Variants in KCNIP4 observed in about 807,000 individuals in gnomAD.
KCNIP4 encodes Kv channel-interacting protein 4.
A neutral mutation model predicts 34.0 loss-of-function variants in KCNIP4; 12 were observed. The ratio of observed to expected loss-of-function variants is 0.35; its 90% CI spans 0.23 to 0.57. The LOEUF (loss-of-function observed/expected upper bound fraction) is 0.57, where lower values mean the gene tolerates loss of function less well. Among genes scored for constraint, KCNIP4 ranks in the 20% least tolerant of loss-of-function variants. KCNIP4 has a pLI of 0.83. For missense variants in KCNIP4, 238 were observed against 311.7 expected, an observed-to-expected ratio of 0.76 and a Z score of 1.78; for synonymous variants, 124 against 102.2, an observed-to-expected ratio of 1.21 and a Z score of -1.29.
Position 21,701,940 on chromosome 4 carries a change from A to G in KCNIP4, c.61+246631T>C, listed in dbSNP as rs935236020. Among the ~76,000 whole-genome samples the G allele has an allele frequency of 4.6e-5, 7 of 152,118 alleles. No homozygotes were observed. In the South Asian group the frequency reaches 1.0e-3, roughly 23 times the overall value. On this transcript the variant is annotated intron_variant, in intron 1 of 8. Transcript: ENST00000382152. ...GCTGGTCTCAAACTCCTGACCTCAGATGATCTGCTTGCGTTGGCCTCCCAA... is the reference window on the plus strand; with the variant it reads ...GCTGGTCTCAAACTCCTGACCTCAGGTGATCTGCTTGCGTTGGCCTCCCAA...
intron 1 of KCNIP4, among the ~76,000 whole-genome samples, chr4:21,769,838 A>G (rs1022284277): frequency 2.6e-5 from 4 of 152,142 alleles, no homozygotes; most frequent in African/African-American, 9.7e-5. Flanking sequence ...TAAAAAGCAA[A>G]AATCATATTT....
chr4:21,733,439 A>T (rs1560674158), intron 1 of KCNIP4, among the ~76,000 whole-genome samples: 1 of 152,216 alleles, frequency 6.6e-6, no homozygotes, highest in African/African-American at 2.4e-5. Context: ...ACAGATACAC[A>T]CACACATATA....
intron 1 of KCNIP4, among the ~76,000 whole-genome samples, chr4:21,259,885 C>CTGTGTGTGTGTGTT (rs1553848042): frequency 4.1e-5 from 6 of 145,906 alleles, no homozygotes; most frequent in African/African-American, 1.5e-4. Flanking sequence ...GCGCCCAAGA[C>CTGTGTGTGTGTGTT]TGTGTGTGTG....
chr4:21,683,187 T>C (rs545714129), intron 1 of KCNIP4, among the ~76,000 whole-genome samples: 75 of 152,168 alleles, frequency 4.9e-4, no homozygotes, highest in Non-Finnish European at 7.9e-4. Context: ...TCCCTTACCA[T>C]ACCTTCTGAA....
intron 3 of KCNIP4, among the ~76,000 whole-genome samples, chr4:20,848,495 A>C (rs891071678): frequency 1.7e-4 from 24 of 141,016 alleles, no homozygotes; most frequent in Non-Finnish European, 3.0e-4. Context: ...AACAAAAAAA[A>C]ACATAAAATA....
At chr4:21,712,406 G>A (rs924573160) in intron 1 of KCNIP4, among the ~76,000 whole-genome samples, 6 of 152,152 alleles carry the variant, frequency 3.9e-5, no homozygotes, top group African/African-American at 1.4e-4. Flanking sequence ...GATGGGGGGC[G>A]AGGAACCTCC....
At chr4:21,112,905 C>A (rs1189193228) in intron 1 of KCNIP4, among the ~76,000 whole-genome samples, 1 of 152,038 alleles carries the variant, frequency 6.6e-6, no homozygotes, top group Non-Finnish European at 1.5e-5. Flanking sequence ...AGTCTCATCC[C>A]ACTGATATTA....
intron 1 of KCNIP4, among the ~76,000 whole-genome samples, chr4:21,066,575 C>G (rs1490042753): frequency 6.6e-6 from 1 of 151,938 alleles, no homozygotes; most frequent in Non-Finnish European, 1.5e-5. Flanking sequence ...AGAATGTCTG[C>G]GCCTGGGGAA....
chr4:21,347,110 T>C (rs1219333036), intron 1 of KCNIP4, among the ~76,000 whole-genome samples: 1 of 152,160 alleles, frequency 6.6e-6, no homozygotes, highest in South Asian at 2.1e-4. Flanking sequence ...CTGAGCCCAA[T>C]AAAGAGAAAA....
intron 1 of KCNIP4, among the ~76,000 whole-genome samples, chr4:21,078,185 T>C (rs1040869323): frequency 2.0e-5 from 3 of 151,984 alleles, no homozygotes; most frequent in African/African-American, 7.2e-5. Context: ...AAAGCCACAC[T>C]TCAAGAGTGA....
intron 1 of KCNIP4, among the ~76,000 whole-genome samples, chr4:21,067,958 G>A (rs923442359): frequency 6.6e-6 from 1 of 152,020 alleles, no homozygotes; most frequent in Non-Finnish European, 1.5e-5. Flanking sequence ...GCAAATTATT[G>A]AAATGTAAAA....
chr4:21,272,060 G>A (rs1762181187), intron 1 of KCNIP4, among the ~76,000 whole-genome samples: 1 of 152,184 alleles, frequency 6.6e-6, no homozygotes, highest in African/African-American at 2.4e-5. Flanking sequence ...GAGGTGAACT[G>A]CATTGCTAGC....
intron 1 of KCNIP4, among the ~76,000 whole-genome samples, chr4:21,474,494 A>C (rs950109931): frequency 6.6e-6 from 1 of 152,170 alleles, no homozygotes; most frequent in African/African-American, 2.4e-5. Context: ...CACTGAAGAG[A>C]TATTTCAAAA....
intron 3 of KCNIP4, among the ~76,000 whole-genome samples, chr4:20,809,794 G>C (rs1460367304): frequency 2.6e-5 from 4 of 152,172 alleles, no homozygotes; most frequent in African/African-American, 9.7e-5. Flanking sequence ...TTGCCCCATG[G>C]AGGTGAATGC....
At chr4:20,841,865 T>G (rs1719762084) in intron 3 of KCNIP4, among the ~76,000 whole-genome samples, 1 of 152,148 alleles carries the variant, frequency 6.6e-6, no homozygotes, top group African/African-American at 2.4e-5. Context: ...TTGCTCACTC[T>G]TGCCTCATGA....
chr4:21,226,672 T>C lies in KCNIP4; in HGVS notation c.62-343963A>G, dbSNP rs544166728. 1.3e-3 allele frequency among the ~76,000 whole-genome samples: 205 copies of C among 152,296 alleles called. 1 individual carries two copies. Among genetic ancestry groups the C allele is most frequent in the Non-Finnish European group, 1.9e-3 (126 of 68,020 alleles). On this transcript the variant is annotated intron_variant, in intron 1 of 8. Transcript: ENST00000382152. ...AAGAGGCAATGATGAAAATGACACA[T>C]TGGATACTTTTTCCACAACAATCTA...
chr4:21,145,599 T>C (rs1752290799), intron 1 of KCNIP4, among the ~76,000 whole-genome samples: 1 of 152,186 alleles, frequency 6.6e-6, no homozygotes, highest in African/African-American at 2.4e-5. Context: ...CACTGTGGTC[T>C]GTACAATGCA....
At chr4:21,934,788 C>T (rs1560189814) in intron 1 of KCNIP4, among the ~76,000 whole-genome samples, 1 of 152,000 alleles carries the variant, frequency 6.6e-6, no homozygotes, top group Non-Finnish European at 1.5e-5. Context: ...AATAAATACA[C>T]CCACTCTCTC....
At chr4:21,702,395 G>T (rs1453214277) in intron 1 of KCNIP4, among the ~76,000 whole-genome samples, 1 of 152,028 alleles carries the variant, frequency 6.6e-6, no homozygotes, top group East Asian at 1.9e-4. Flanking sequence ...ACATTGAGAG[G>T]TTACGACTTT....
Sources: allele counts gnomAD v4.1 joint callset (sites outside exome capture counted in the v4.1 genomes callset), GRCh38; gene constraint gnomAD v4.1.1; transcripts MANE v1.5; gene names NCBI Gene and HGNC (gene_info 2026-07-23, HGNC 2026-07-21).